IARS2: variants seen among roughly 807,000 people sequenced by gnomAD.
IARS2 encodes the protein isoleucyl-tRNA synthetase 2, mitochondrial, also known as isoleucine--tRNA ligase, mitochondrial.
A neutral mutation model predicts 126.3 loss-of-function variants in IARS2; 56 were observed. The observed-to-expected ratio is 0.44, with a 90% CI of 0.36 to 0.55. IARS2 has a LOEUF of 0.55. Ranked by LOEUF, IARS2 falls within the 20% of genes least tolerant of loss-of-function variation. IARS2 has a pLI of 0.00. For missense variants in IARS2, 1,127 were observed against 1,245.9 expected (o/e 0.90, Z 1.44); for synonymous variants, 407 against 441.1 (o/e 0.92, Z 0.97).
intron 14 of IARS2, among the ~76,000 whole-genome samples, chr1:220,128,920 G>A (rs1055299642): frequency 3.6e-5 from 5 of 139,210 alleles, no homozygotes; most frequent in African/African-American, 1.0e-4. Flanking sequence ...TTTTTTTTTC[G>A]AGACAGTGTC....
At position 220,144,405 on chromosome 1, in the gene IARS2, T is replaced by G. The variant is rs577917394; in HGVS notation, c.2752-1104T>G. The G allele has an allele frequency of 3.8e-5, 21 of 559,034 alleles. No individual in the cohort carries two copies. In the East Asian group the frequency reaches 6.1e-4, roughly 16 times the overall value. The allele number at this position is 559,034 out of a possible 1,614,324, so 34.6% of individuals were successfully genotyped here. A position where few individuals can be genotyped will look rare whatever the true frequency, so the allele number is the denominator to read the frequency against. ...CTATTTTTTAAAAGTTTTATTAGTG[T>G]CAGTTTTCTAAAAAACATCCATCTT... On this transcript the variant is annotated intron_variant, in intron 21 of 22. Transcript: ENST00000366922.
Position 220,111,321 on chromosome 1 carries a change from T to C in IARS2, c.1479+384T>C, listed in dbSNP as rs1022455286. Among the ~76,000 whole-genome samples the C allele has an allele frequency of 3.3e-5, 5 of 152,198 alleles. No individual in the cohort carries two copies. In the East Asian group the frequency reaches 9.7e-4, roughly 29 times the overall value. Reference sequence around the variant, plus strand: ...ATCTCATGGAGTAAGGAAATTCGAGTTTCCAGAATATGGTCTGATACATAA... The same window carrying C: ...ATCTCATGGAGTAAGGAAATTCGAGCTTCCAGAATATGGTCTGATACATAA... On this transcript the variant is annotated intron_variant, in intron 11 of 22. Transcript: ENST00000366922.
At position 220,147,639 on chromosome 1, in the gene IARS2, T is replaced by TAAC. The variant is rs778624374; in HGVS notation, c.*6_*8dup. The stretch of plus-strand genomic sequence containing the variant: ...AGAAGTTGTCAGTGGAAAATAGTAT[T>TAAC]AACAGCTCACTCGAGCAAGAACCCT... On this transcript the variant is annotated 3_prime_UTR_variant, in exon 23 of 23. Coordinates refer to ENST00000366922, the MANE Select transcript of IARS2 (RefSeq NM_018060.4). 1.2e-6 allele frequency: 2 copies of TAAC among 1,613,886 alleles called. No individual in the cohort carries two copies. Among genetic ancestry groups the TAAC allele is most frequent in the Non-Finnish European group, 1.7e-6 (2 of 1,179,858 alleles).
chr1:220,100,349 ATTAAG>A (rs1656545562), intron 2 of IARS2, 136 bp from the exon 3 acceptor site: 2 of 663,422 alleles, frequency 3.0e-6, no homozygotes, highest in African/African-American at 1.9e-5. Flanking sequence ...TAAAAATGGT[ATTAAG>A]TTTAAAAAAA....
chr1:220,133,293 A>G (rs1020029579), intron 14 of IARS2, among the ~76,000 whole-genome samples: 6 of 152,150 alleles, frequency 3.9e-5, no homozygotes, highest in Non-Finnish European at 7.4e-5. Flanking sequence ...GGCACGAGAC[A>G]CTGCACCCGG....
Position 220,102,133 on chromosome 1 carries a change from A to T in IARS2, c.555A>T (p.Arg185Ser), listed in dbSNP as rs201046842. ...LSAMEIRKKA[R>S]SFAKAAIEKQ... is the part of the protein sequence containing the mutation. ...TTTTTTTCGTCTTTTTTTTAGCTAG[A>T]TCATTTGCTAAAGCAGCCATTGAGA... is the stretch of plus-strand genomic sequence containing the variant. The change falls in exon 4 of 23, where the codon AGA becomes AGT. Residue 185 changes from arginine to serine, a missense_variant. By Grantham distance (110) the Arg-to-Ser change is moderately radical. Coordinates refer to ENST00000366922, the MANE Select transcript of IARS2 (RefSeq NM_018060.4). 5.1e-5 allele frequency: 82 copies of T among 1,595,786 alleles called. 1 individual carries two copies. In the Middle Eastern group the frequency reaches 1.3e-3, roughly 26 times the overall value.
chr1:220,123,814 T>C (rs1296815071), intron 12 of IARS2, among the ~76,000 whole-genome samples: 2 of 152,248 alleles, frequency 1.3e-5, no homozygotes, highest in South Asian at 2.1e-4. Context: ...TTGATTTTGC[T>C]TTCCACAACA....
chr1:220,102,046 C>A, intron 3 of IARS2, 83 bp from the exon 4 acceptor site: 1 of 1,308,628 alleles, frequency 7.6e-7, no homozygotes, highest in Non-Finnish European at 1.1e-6. Context: ...GTAGCATTTG[C>A]ATTTAGAGAG....
rs760732977 is a variant in IARS2, at chr1:220,100,459, A to G, written c.391-31A>G. 3.1e-5 allele frequency: 47 copies of G among 1,515,758 alleles called. No individual in the cohort carries two copies. The East Asian group carries it at 4.4e-4, about 14-fold the overall frequency. 93.9% of individuals were successfully genotyped at this position (1,515,758 alleles called of 1,614,324 possible). On this transcript the variant is annotated intron_variant, in intron 2 of 22. Transcript: ENST00000366922. Reference sequence around the variant, plus strand: ...AAATACATGGCCAAATATTTTATGTATGAATGATAATTATCATTTTATCTT... The same window carrying G: ...AAATACATGGCCAAATATTTTATGTGTGAATGATAATTATCATTTTATCTT...
At chr1:220,129,376 A>G (rs893730454) in intron 14 of IARS2, among the ~76,000 whole-genome samples, 1 of 152,126 alleles carries the variant, frequency 6.6e-6, no homozygotes, top group African/African-American at 2.4e-5. Context: ...AACATTTTAT[A>G]TCTTCTCTTC....
At chr1:220,141,053 C>T (rs1054866215) in intron 19 of IARS2, among the ~76,000 whole-genome samples, 2 of 151,456 alleles carry the variant, frequency 1.3e-5, no homozygotes, top group African/African-American at 4.9e-5. Flanking sequence ...CTCCCGCTTA[C>T]TAGCTTTCTG....
chr1:220,126,965 T>C, intron 14 of IARS2, 122 bp downstream of exon 14: 1 of 668,108 alleles, frequency 1.5e-6, no homozygotes, highest in Non-Finnish European at 2.5e-6. Flanking sequence ...TCTGCTATAT[T>C]TTAGACCTCG....
At chr1:220,117,373 A>C (rs1277267347) in intron 12 of IARS2, among the ~76,000 whole-genome samples, 1 of 151,006 alleles carries the variant, frequency 6.6e-6, no homozygotes, top group Non-Finnish European at 1.5e-5. Flanking sequence ...ATATATATAT[A>C]TTTTTTAGTA....
In IARS2 at chr1:220,094,372, G is replaced by C; in HGVS notation, c.156G>C (p.Gln52His). 1 of 1,613,220 alleles carries C rather than the reference G, an allele frequency of 6.2e-7. No homozygotes were observed. The highest frequency in any genetic ancestry group is 8.5e-7 in the Non-Finnish European group (1 of 1,179,732). The change falls in exon 1 of 23, where the codon CAG becomes CAC. Residue 52 changes from glutamine (Q) to histidine (H), a missense_variant. By Grantham distance (24) the Gln-to-His change is conservative. Transcript: ENST00000366922. The stretch of plus-strand genomic sequence containing the variant: ...CGGTCTCCGGGGCCAGTAACCACCA[G>C]CCGAACTCGAATAGTGGCAGATACC... ...VRSVSGASNH[Q>H]PNSNSGRYRD...
At chr1:220,146,172 T>G (rs974437061) in intron 22 of IARS2, among the ~76,000 whole-genome samples, 2 of 152,142 alleles carry the variant, frequency 1.3e-5, no homozygotes, top group Non-Finnish European at 2.9e-5. Context: ...TATAGAAGAT[T>G]TTAAAAGTCA....
chr1:220,144,633 C>A (rs1235328129), intron 21 of IARS2, among the ~76,000 whole-genome samples: 1 of 152,102 alleles, frequency 6.6e-6, no homozygotes, highest in Non-Finnish European at 1.5e-5. Flanking sequence ...TAGTCCTGGC[C>A]TTTTTTCCTA....
At chr1:220,123,562 C>T (rs1657094040) in intron 12 of IARS2, among the ~76,000 whole-genome samples, 1 of 152,200 alleles carries the variant, frequency 6.6e-6, no homozygotes, top group Admixed American at 6.5e-5. Context: ...CAAGCTCTGC[C>T]TCCCGGGTTC....
chr1:220,094,541 C>T (rs1230121183), intron 1 of IARS2, 58 bp downstream of exon 1: 9 of 1,442,414 alleles, frequency 6.2e-6, no homozygotes, highest in African/African-American at 1.5e-5. Context: ...CCGCGGGCAC[C>T]GGGCGCTCGC....
rs1398131576 is a variant in IARS2, at chr1:220,110,765, T to G, written c.1328-21T>G. 3.9e-6 allele frequency: 6 copies of G among 1,538,278 alleles called. No individual in the cohort carries two copies. In the Admixed American group the frequency reaches 1.2e-4, roughly 30 times the overall value. The stretch of plus-strand genomic sequence containing the variant: ...ACAGTACTTTTTAATTATGTCTAAT[T>G]TGGTGTTTTTTTTTTTAAAGTTATA... On this transcript the variant is annotated intron_variant, in intron 10 of 22. Coordinates refer to ENST00000366922, the MANE Select transcript of IARS2 (RefSeq NM_018060.4).
Sources: allele counts gnomAD v4.1 joint callset (sites outside exome capture counted in the v4.1 genomes callset), GRCh38; gene constraint gnomAD v4.1.1; transcripts MANE v1.5; gene names NCBI Gene and HGNC (gene_info 2026-07-23, HGNC 2026-07-21).